INPP4B: variants seen among roughly 807,000 people sequenced by gnomAD.
INPP4B encodes the protein inositol polyphosphate-4-phosphatase type II B, also known as inositol polyphosphate 4-phosphatase type II.
Under a neutral mutation model 122.5 loss-of-function variants are expected in INPP4B, and 55 were observed. The ratio of observed to expected loss-of-function variants is 0.45; its 90% CI spans 0.36 to 0.56. The LOEUF (loss-of-function observed/expected upper bound fraction) is 0.56. Ranked by LOEUF, INPP4B falls within the 20% of genes least tolerant of loss-of-function variation. The pLI is 0.00. For missense variants in INPP4B, 1,000 were observed against 1,097.7 expected (o/e 0.91, Z 1.26); for synonymous variants, 403 against 388.7 (o/e 1.04, Z -0.43).
At chr4:142,824,754 T>C (rs1006416821) in intron 1 of INPP4B, among the ~76,000 whole-genome samples, 25 of 152,058 alleles carry the variant, frequency 1.6e-4, no homozygotes, top group African/African-American at 6.0e-4. Context: ...TTCAATGTTA[T>C]TCTACTTTAT....
intron 15 of INPP4B, among the ~76,000 whole-genome samples, chr4:142,191,481 T>G (rs1421455414): frequency 6.6e-6 from 1 of 152,200 alleles, no homozygotes; most frequent in Non-Finnish European, 1.5e-5. Context: ...GGCAAAACCC[T>G]GTCTTCCACT....
At chr4:142,053,981 G>A (rs1490134489) in intron 25 of INPP4B, among the ~76,000 whole-genome samples, 8 of 134,244 alleles carry the variant, frequency 6.0e-5, no homozygotes, top group Non-Finnish European at 5.0e-5. Context: ...ATGGTTTTAG[G>A]CAATTCTTAG....
chr4:142,141,237 G>C (rs1051804566), intron 18 of INPP4B, among the ~76,000 whole-genome samples: 2 of 152,134 alleles, frequency 1.3e-5, no homozygotes, highest in African/African-American at 4.8e-5. Flanking sequence ...AAGATAAAAA[G>C]AGTTTTCTAT....
chr4:142,397,465 C>T (rs532095358), intron 7 of INPP4B, among the ~76,000 whole-genome samples: 1 of 152,168 alleles, frequency 6.6e-6, no homozygotes, highest in Admixed American at 6.5e-5. Context: ...TGCTTAAGTG[C>T]CTAAAAATTT....
intron 12 of INPP4B, among the ~76,000 whole-genome samples, chr4:142,224,525 A>G (rs1001151202): frequency 6.6e-6 from 1 of 152,172 alleles, no homozygotes. Context: ...AACCAATTCT[A>G]CATTATATGA....
At chr4:142,555,575 A>T (rs1419678189) in intron 2 of INPP4B, among the ~76,000 whole-genome samples, 2 of 152,134 alleles carry the variant, frequency 1.3e-5, no homozygotes, top group African/African-American at 4.8e-5. Context: ...AAAAAAATTT[A>T]AAAAGCATTT....
chr4:142,034,246 A>C (rs1742358105), intron 25 of INPP4B, among the ~76,000 whole-genome samples: 1 of 152,152 alleles, frequency 6.6e-6, no homozygotes, highest in African/African-American at 2.4e-5. Context: ...ACATTGGGCA[A>C]TATCTGGAAG....
intron 3 of INPP4B, among the ~76,000 whole-genome samples, chr4:142,444,393 C>T (rs900766214): frequency 6.6e-6 from 1 of 151,886 alleles, no homozygotes. Context: ...ATGTGGCCAA[C>T]CAACATGAAA....
At chr4:142,755,791 C>T (rs545204915) in intron 1 of INPP4B, among the ~76,000 whole-genome samples, 3 of 152,092 alleles carry the variant, frequency 2.0e-5, no homozygotes, top group South Asian at 2.1e-4. Context: ...ATTTGGAGAA[C>T]ATTTTTAGTA....
At chr4:142,556,450 A>C (rs1729197599) in intron 2 of INPP4B, among the ~76,000 whole-genome samples, 1 of 152,224 alleles carries the variant, frequency 6.6e-6, no homozygotes, top group Non-Finnish European at 1.5e-5. Context: ...TTTAAATAGA[A>C]GAAAAGGAAG....
rs1737435475 is a variant in INPP4B at position 142,027,691 on chromosome 4, A to G, written c.*1091T>C. 6.6e-6 allele frequency: 1 copy of G among 152,328 alleles called. No homozygotes were observed. Among genetic ancestry groups the G allele is most frequent in the African/African-American group, 2.4e-5 (1 of 41,470 alleles). 9.4% of individuals were successfully genotyped at this position (152,328 alleles called of 1,614,324 possible). A position where few individuals can be genotyped will look rare whatever the true frequency, so the allele number is the denominator to read the frequency against. ...GGTGATTAACCTTACCCATGTTTGAATACTGGTATTATACAAGATGATTTT... is the reference window on the plus strand; with the variant it reads ...GGTGATTAACCTTACCCATGTTTGAGTACTGGTATTATACAAGATGATTTT... On this transcript the variant is annotated 3_prime_UTR_variant, in exon 26 of 26. Transcript: ENST00000262992.
intron 7 of INPP4B, among the ~76,000 whole-genome samples, chr4:142,339,992 AT>A (rs975941842): frequency 1.1e-4 from 16 of 151,812 alleles, no homozygotes; most frequent in South Asian, 2.1e-4. Flanking sequence ...ACAAAGAAAG[AT>A]TTTTTTTTAT....
chr4:142,059,293 G>T (rs758766955), intron 25 of INPP4B, among the ~76,000 whole-genome samples: 30 of 152,224 alleles, frequency 2.0e-4, no homozygotes, highest in Admixed American at 1.6e-3. Flanking sequence ...CCAGCTTAAA[G>T]TTCACTTTCT....
At chr4:142,505,397 G>A (rs1173356775) in intron 2 of INPP4B, among the ~76,000 whole-genome samples, 1 of 152,000 alleles carries the variant, frequency 6.6e-6, no homozygotes, top group Admixed American at 6.6e-5. Context: ...GCTATGTTTA[G>A]GAGATAAAAG....
intron 2 of INPP4B, among the ~76,000 whole-genome samples, chr4:142,509,223 G>A (rs540536868): frequency 6.6e-6 from 1 of 152,296 alleles, no homozygotes; most frequent in Non-Finnish European, 1.5e-5. Flanking sequence ...ACGTGGACCA[G>A]TTATTTTTAA....
At position 142,456,302 on chromosome 4, in the gene INPP4B, T is replaced by C. The variant is rs542911368; in HGVS notation, c.-127+6361A>G. ...AGTTTGAGGTCTTAGATGTAAATCT[T>C]TAATTCATTTTGATTTGTATATGGT... On this transcript the variant is annotated intron_variant, in intron 3 of 25. Transcript: ENST00000262992. 2.0e-5 allele frequency among the ~76,000 whole-genome samples: 3 copies of C among 152,192 alleles called. No homozygotes were observed. In the South Asian group the frequency reaches 6.2e-4, roughly 32 times the overall value.
chr4:142,171,863 G>A (rs949859831), intron 16 of INPP4B, among the ~76,000 whole-genome samples: 1 of 151,768 alleles, frequency 6.6e-6, no homozygotes, highest in Non-Finnish European at 1.5e-5. Flanking sequence ...ACTGCAGCAA[G>A]TTGTAAATGA....
intron 25 of INPP4B, among the ~76,000 whole-genome samples, chr4:142,049,324 AC>A (rs1399282705): frequency 6.6e-6 from 1 of 152,080 alleles, no homozygotes; most frequent in Non-Finnish European, 1.5e-5. Flanking sequence ...GTAAATTTGT[AC>A]ATTTGTTTTG....
At chr4:142,474,833 G>A (rs1005482744) in intron 2 of INPP4B, among the ~76,000 whole-genome samples, 2 of 152,192 alleles carry the variant, frequency 1.3e-5, no homozygotes, top group Non-Finnish European at 2.9e-5. Flanking sequence ...ACACCTGCTA[G>A]AGCTTCCAGC....
Sources: gnomAD v4.1 joint callset for allele counts (sites outside exome capture counted in the v4.1 genomes callset) on GRCh38, gnomAD v4.1.1 for gene constraint, MANE v1.5 for transcripts, NCBI Gene and HGNC (gene_info 2026-07-23, HGNC 2026-07-21) for gene names.